Variants in C8orf33 observed in about 807,000 individuals in gnomAD.
C8orf33 encodes chromosome 8 open reading frame 33.
In C8orf33, 28 loss-of-function variants were observed where a neutral mutation model predicts 25.7. The ratio of observed to expected loss-of-function variants is 1.09; its 90% CI spans 0.81 to 1.49. The LOEUF is 1.49. Ranked by LOEUF, C8orf33 falls within the 40% of genes most tolerant of loss-of-function variation. The pLI is 0.00. For missense variants in C8orf33, 369 were observed against 294.4 expected (o/e 1.25, Z -1.85); for synonymous variants, 153 against 115.9 (o/e 1.32, Z -2.06).
At position 145,053,415 on chromosome 8, in the gene C8orf33, G is replaced by A. The variant is rs778842313; in HGVS notation, c.522G>A (p.Trp174Ter). The stretch of plus-strand genomic sequence containing the variant: ...ATAGGGCTCAGATGGAAGCCGAATG[G>A]CGTGAGGCCCTGCGGGCTCTCAGAG... ...GDYRAQMEAE[W>*]REALRALRAA... The change falls in exon 4 of 5, where the codon TGG (tryptophan) becomes TGA (stop). Residue 174 changes from tryptophan (W) to a stop codon, truncating the protein, a stop_gained. Transcript: ENST00000331434. LOFTEE classifies it high-confidence loss of function. 6.2e-7 allele frequency: 1 copy of A among 1,614,250 alleles called. No individual in the cohort carries two copies. Among genetic ancestry groups the A allele is most frequent in the Non-Finnish European group, 8.5e-7 (1 of 1,180,040 alleles).
At chr8:145,053,866 G>T (rs1020998564) in intron 4 of C8orf33, 152 bp from the exon 5 acceptor site, 1 of 964,134 alleles carries the variant, frequency 1.0e-6, no homozygotes, top group Non-Finnish European at 1.6e-6. Context: ...CTCTCTAAGT[G>T]GGGGATGATA....
chr8:145,053,602 C>G, intron 4 of C8orf33, 159 bp downstream of exon 4: 1 of 714,890 alleles, frequency 1.4e-6, no homozygotes, highest in Non-Finnish European at 2.3e-6. Flanking sequence ...GTGGACCTCT[C>G]TTTCCTCTTC....
At position 145,052,894 on chromosome 8, in the gene C8orf33, C is replaced by T; in HGVS notation, c.315C>T (p.Ala105=). 6.2e-7 allele frequency: 1 copy of T among 1,611,270 alleles called. No homozygotes were observed. The highest frequency in any genetic ancestry group is 8.5e-7 in the Non-Finnish European group (1 of 1,178,728). The part of the protein sequence containing the change: ...APEEVPLSAE[A]QAQQLAQELA... ...AAGAAGTTCCCCTAAGCGCTGAGGC[C>T]CAGGCAAGGGCGGGCTTCGGTCGGG... The change falls in exon 2 of 5, where the codon GCC becomes GCT. Residue 105 remains alanine, a synonymous_variant. Coordinates refer to ENST00000331434, the MANE Select transcript of C8orf33 (RefSeq NM_023080.3).
rs892365151 is a variant in C8orf33 at position 145,053,439 on chromosome 8, A to C, written c.546A>C (p.Arg182Ser). ...AEWREALRAL[R>S]AAAYSAQVQP... is the part of the protein sequence containing the mutation. ...GGCGTGAGGCCCTGCGGGCTCTCAG[A>C]GCTGGTGAGGAGCTAGCCACTGGTT... Residue 182 changes from arginine (R) to serine (S), a missense_variant, in exon 4 of 5, where the codon AGA (arginine) becomes AGC (serine). Physicochemically the swap from Arg to Ser is moderately radical, Grantham distance 110 (BLOSUM62 -1). Transcript: ENST00000331434. The C allele has an allele frequency of 1.2e-6, 2 of 1,614,000 alleles. No homozygotes were observed. Among genetic ancestry groups the C allele is most frequent in the African/African-American group, 2.7e-5 (2 of 74,920 alleles).
chr8:145,053,009 C>A (rs1225759364), intron 2 of C8orf33, 53 bp from the exon 3 acceptor site: 1 of 1,610,878 alleles, frequency 6.2e-7, no homozygotes, highest in Non-Finnish European at 8.5e-7. Context: ...ATGGGGCCGG[C>A]GGCTATGGTT....
rs922222476 is a variant in C8orf33 at position 145,053,006 on chromosome 8, C to T, written c.319-56C>T. ...GGCGGGGAGGGGCATGGGATGGGGC[C>T]GGCGGCTATGGTTTTCCAGTGCCCT... is the stretch of plus-strand genomic sequence containing the variant. On this transcript the variant is annotated intron_variant, in intron 2 of 4. Coordinates refer to ENST00000331434, the MANE Select transcript of C8orf33 (RefSeq NM_023080.3). 1.7e-5 allele frequency: 27 copies of T among 1,610,876 alleles called. No homozygotes were observed. In the African/African-American group the frequency reaches 3.2e-4, roughly 19 times the overall value.
Position 145,052,496 on chromosome 8 carries a change from C to A in C8orf33, c.5C>A (p.Ala2Glu), listed in dbSNP as rs1486745401. 2.5e-6 allele frequency: 4 copies of A among 1,599,062 alleles called. No homozygotes were observed. Among genetic ancestry groups the A allele is most frequent in the Non-Finnish European group, 3.4e-6 (4 of 1,179,516 alleles). The change falls in exon 1 of 5, where the codon GCG becomes GAG. Residue 2 changes from alanine (A) to glutamate (E), a missense_variant and splice_region_variant. Transcript: ENST00000331434. ...TTCCGGTGGCGACTGCGGCGCATGG[C>A]GGTGAGCGGTGTGGAGAAGACGCGC... M[A>E]ALGHLAGEAA...
At chr8:145,052,966 G>A (rs1386475415) in intron 2 of C8orf33, 69 bp downstream of exon 2, 3 of 1,602,090 alleles carry the variant, frequency 1.9e-6, no homozygotes, top group South Asian at 1.1e-5. Flanking sequence ...TGTGATCTGG[G>A]GTCCGCGGAG....
chr8:145,052,788 A>C lies in C8orf33; in HGVS notation c.209A>C (p.Lys70Thr). ...LGDEGGTASK[K>T]QKNKKKTRNR... ...GATGAAGGCGGCACAGCGTCGAAAA[A>C]ACAAAAGAATAAGAAGAAAACGCGG... The change falls in exon 2 of 5, where the codon AAA (lysine) becomes ACA (threonine). Residue 70 changes from lysine (K) to threonine (T), a missense_variant. Lys to Thr is a moderately conservative substitution (Grantham distance 78). Coordinates refer to ENST00000331434, the MANE Select transcript of C8orf33 (RefSeq NM_023080.3). The C allele has an allele frequency of 6.2e-7, 1 of 1,614,112 alleles. No individual in the cohort carries two copies. Among genetic ancestry groups the C allele is most frequent in the South Asian group, 1.1e-5 (1 of 91,084 alleles).
chr8:145,052,636 T>C lies in C8orf33; in HGVS notation c.57T>C (p.Thr19=). The part of the protein sequence containing the change: ...GEAAAAPGPG[T]PCASRGARLP... ...CAGCGGCGGCCCCAGGCCCGGGTACTCCCTGCGCGTCCCGCGGAGCCCGGC... is the reference window on the plus strand; with the variant it reads ...CAGCGGCGGCCCCAGGCCCGGGTACCCCCTGCGCGTCCCGCGGAGCCCGGC... The change falls in exon 2 of 5, where the codon ACT becomes ACC. Residue 19 remains threonine, a synonymous_variant. Coordinates refer to ENST00000331434, the MANE Select transcript of C8orf33 (RefSeq NM_023080.3). The C allele has an allele frequency of 6.2e-7, 1 of 1,611,712 alleles. No individual in the cohort carries two copies. The highest frequency in any genetic ancestry group is 8.5e-7 in the Non-Finnish European group (1 of 1,179,920).
rs774676416 is a variant in C8orf33, at chr8:145,052,598, C to G, written c.19C>G (p.Leu7Val). The part of the protein sequence containing the change: MAALGH[L>V]AGEAAAAPGP... ...CCCCTTTCTCCAGGCCCTGGGACAT[C>G]TTGCTGGGGAGGCAGCGGCGGCCCC... Residue 7 changes from leucine (L) to valine (V), a missense_variant, in exon 2 of 5, where the codon CTT (leucine) becomes GTT (valine). Leu to Val is a conservative substitution (Grantham distance 32). Coordinates refer to ENST00000331434, the MANE Select transcript of C8orf33 (RefSeq NM_023080.3). The G allele has an allele frequency of 1.9e-6, 3 of 1,607,060 alleles. No individual in the cohort carries two copies. The highest frequency in any genetic ancestry group is 2.5e-6 in the Non-Finnish European group (3 of 1,179,640).
At chr8:145,052,519 CGCGGGT>C in intron 1 of C8orf33, 22 bp downstream of exon 1, 2 of 1,600,142 alleles carry the variant, frequency 1.2e-6, no homozygotes, top group Non-Finnish European at 1.7e-6. Context: ...GGAGAAGACG[CGCGGGT>C]GGCTGGGCCT....
chr8:145,054,257 G>A lies in C8orf33; in HGVS notation c.*100G>A. The A allele has an allele frequency of 7.1e-7, 1 of 1,403,818 alleles. No individual in the cohort carries two copies. The highest frequency in any genetic ancestry group is 2.3e-5 in the East Asian group (1 of 43,486). The allele number at this position is 1,403,818 out of a possible 1,614,324, so 87.0% of individuals were successfully genotyped here. On this transcript the variant is annotated 3_prime_UTR_variant, in exon 5 of 5. Coordinates refer to ENST00000331434, the MANE Select transcript of C8orf33 (RefSeq NM_023080.3). The stretch of plus-strand genomic sequence containing the variant: ...AGGACTTCTGTTGTCAGAGAACCCT[G>A]GAGTTGGTCTGTCCCTGGCTGGTCC...
rs962549153 is a variant in C8orf33, at chr8:145,053,342, C to T, written c.449C>T (p.Thr150Met). 4 of 1,614,108 alleles carry T rather than the reference C, an allele frequency of 2.5e-6. No individual in the cohort carries two copies. The highest frequency in any genetic ancestry group is 1.1e-5 in the South Asian group (1 of 91,088). Residue 150 changes from threonine to methionine, a missense_variant, in exon 4 of 5, where the codon ACG (threonine) becomes ATG (methionine). Transcript: ENST00000331434. ...GAIRTLRSKR[T>M]PLPRKRQLMH... is the part of the protein sequence containing the mutation. ...ATCCGAACCCTGCGCAGCAAAAGAACGCCCTTGCCCCGGAAGAGGCAGCTG... is the reference window on the plus strand; with the variant it reads ...ATCCGAACCCTGCGCAGCAAAAGAATGCCCTTGCCCCGGAAGAGGCAGCTG...
In C8orf33 at chr8:145,055,852, CT is replaced by C. The variant is rs1835357973; in HGVS notation, c.*1696del. ...CTGCTGCCAGGCAGGGAAGGGCCCCCTGTCCAGTGGACACATGACCCATGTG... is the reference window on the plus strand; with the variant it reads ...CTGCTGCCAGGCAGGGAAGGGCCCCCGTCCAGTGGACACATGACCCATGTG... On this transcript the variant is annotated 3_prime_UTR_variant, in exon 5 of 5. Transcript: ENST00000331434. 1 of 157,594 alleles carries C rather than the reference CT, an allele frequency of 6.3e-6. No individual in the cohort carries two copies. The highest frequency in any genetic ancestry group is 1.4e-5 in the Non-Finnish European group (1 of 71,444). The allele number at this position is 157,594 out of a possible 1,614,324, so 9.8% of individuals were successfully genotyped here.
rs147393774 is a variant in C8orf33, at chr8:145,053,963, G to A, written c.551-55G>A. ...TGTATGGGCAAACATAACTGTACAG[G>A]TAATGTTAATTGTTATTATTCAGTT... On this transcript the variant is annotated intron_variant, in intron 4 of 4. Coordinates refer to ENST00000331434, the MANE Select transcript of C8orf33 (RefSeq NM_023080.3). The A allele has an allele frequency of 2.0e-3, 3,179 of 1,585,698 alleles. 7 individuals are homozygous for A. The highest frequency in any genetic ancestry group is 2.5e-3 in the Admixed American group (142 of 57,502).
intron 4 of C8orf33, 104 bp downstream of exon 4, chr8:145,053,547 G>A: frequency 8.3e-7 from 1 of 1,205,718 alleles, no homozygotes; most frequent in Non-Finnish European, 1.2e-6. Flanking sequence ...GGTGGGGGAA[G>A]GAGATGGGCT....
At position 145,052,714 on chromosome 8, in the gene C8orf33, A is replaced by G. The variant is rs1356015212; in HGVS notation, c.135A>G (p.Pro45=). 4.3e-6 allele frequency: 7 copies of G among 1,614,156 alleles called. No individual in the cohort carries two copies. Among genetic ancestry groups the G allele is most frequent in the Admixed American group, 1.7e-5 (1 of 60,022 alleles). The part of the protein sequence containing the change: ...ARNPSTVCLC[P]EQPTCSNADS... ...ATCCTTCCACTGTCTGTCTCTGCCC[A>G]GAGCAACCTACGTGCAGTAACGCTG... Residue 45 remains proline (P), a synonymous_variant, in exon 2 of 5, where the codon CCA becomes CCG. Coordinates refer to ENST00000331434, the MANE Select transcript of C8orf33 (RefSeq NM_023080.3).
Position 145,054,690 on chromosome 8 carries a change from C to G in C8orf33, c.*533C>G, listed in dbSNP as rs769398338. The G allele has an allele frequency of 6.5e-6, 1 of 153,188 alleles. No homozygotes were observed. The highest frequency in any genetic ancestry group is 1.5e-5 in the Non-Finnish European group (1 of 68,862). The allele number at this position is 153,188 out of a possible 1,614,324, so 9.5% of individuals were successfully genotyped here. ...TGCAGGGGTGTGGTATCCCTGGGTCCAGTCCCTCACCTGGTACCTTTGTGC... is the reference window on the plus strand; with the variant it reads ...TGCAGGGGTGTGGTATCCCTGGGTCGAGTCCCTCACCTGGTACCTTTGTGC... On this transcript the variant is annotated 3_prime_UTR_variant, in exon 5 of 5. Coordinates refer to ENST00000331434, the MANE Select transcript of C8orf33 (RefSeq NM_023080.3).
Sources: allele counts gnomAD v4.1 joint callset, GRCh38; gene constraint gnomAD v4.1.1; transcripts MANE v1.5; gene names NCBI Gene and HGNC (gene_info 2026-07-23, HGNC 2026-07-21).